CSMD1: variants seen among roughly 807,000 people sequenced by gnomAD.
CSMD1 encodes CUB and sushi domain-containing protein 1.
In CSMD1, 213 loss-of-function variants were observed where a neutral mutation model predicts 417.5. The observed-to-expected ratio is 0.51, with a 90% CI of 0.46 to 0.57. CSMD1 has a LOEUF of 0.57. CSMD1 is among the 20% of genes least tolerant of loss of function. The pLI, the probability that CSMD1 is intolerant of heterozygous loss-of-function variation, is 0.00. For synonymous variants in CSMD1, 2,862 were observed against 1,736.8 expected (o/e 1.65, Z -16.11); for missense variants, 6,923 against 4,529.7 (o/e 1.53, Z -15.17).
chr8:4,054,058 T>C (rs1034624394), intron 3 of CSMD1, among the ~76,000 whole-genome samples: 12 of 152,152 alleles, frequency 7.9e-5, no homozygotes, highest in African/African-American at 2.9e-4. Context: ...GAGAGCCAAA[T>C]GCTACTCCTA....
At chr8:4,032,770 C>A (rs1797414247) in intron 3 of CSMD1, among the ~76,000 whole-genome samples, 1 of 152,174 alleles carries the variant, frequency 6.6e-6, no homozygotes, top group Non-Finnish European at 1.5e-5. Flanking sequence ...ATACTGAATT[C>A]ACTTTCATTT....
chr8:4,094,011 TAAAGAAAAA>T (rs1288315417), intron 3 of CSMD1, among the ~76,000 whole-genome samples: 1 of 149,174 alleles, frequency 6.7e-6, no homozygotes, highest in Non-Finnish European at 1.5e-5. Context: ...GATAGATAGA[TAAAGAAAAA>T]AGACAAAGAA....
At chr8:3,344,383 C>A (rs936716296) in intron 22 of CSMD1, among the ~76,000 whole-genome samples, 4 of 152,134 alleles carry the variant, frequency 2.6e-5, no homozygotes, top group South Asian at 2.1e-4. Flanking sequence ...AAAGGTGCAG[C>A]AAATCACCAT....
intron 6 of CSMD1, among the ~76,000 whole-genome samples, chr8:3,728,816 C>T (rs550450030): frequency 5.3e-5 from 8 of 152,220 alleles, no homozygotes; most frequent in Non-Finnish European, 1.2e-4. Context: ...CTGATAATGC[C>T]CCCTTAATAT....
At chr8:4,565,502 TC>T (rs1346198134) in intron 2 of CSMD1, among the ~76,000 whole-genome samples, 4 of 151,676 alleles carry the variant, frequency 2.6e-5, no homozygotes, top group Non-Finnish European at 4.4e-5. Context: ...CTTAAGGAGG[TC>T]AAGGTGGGCG....
intron 41 of CSMD1, among the ~76,000 whole-genome samples, chr8:3,135,237 T>C (rs1001481207): frequency 2.6e-5 from 4 of 152,164 alleles, no homozygotes; most frequent in Non-Finnish European, 5.9e-5. Flanking sequence ...CCAAACCAAC[T>C]AATAATACTT....
intron 3 of CSMD1, among the ~76,000 whole-genome samples, chr8:4,275,212 T>C (rs1279444070): frequency 6.6e-6 from 1 of 152,170 alleles, no homozygotes; most frequent in Non-Finnish European, 1.5e-5. Context: ...AATTATTGTC[T>C]AGTTTGTTTT....
At chr8:3,399,958 G>A (rs1468620434) in intron 15 of CSMD1, among the ~76,000 whole-genome samples, 1 of 152,114 alleles carries the variant, frequency 6.6e-6, no homozygotes, top group African/African-American at 2.4e-5. Context: ...GTATGCATGT[G>A]TTTATTTACT....
rs369967487 is a variant in CSMD1, at chr8:2,966,682, C to G, written c.8988G>C (p.Leu2996=). The G allele has an allele frequency of 2.5e-6, 4 of 1,613,702 alleles. No individual in the cohort carries two copies. The African/African-American group carries it at 4.0e-5, about 16-fold the overall frequency. Reference sequence around the variant, plus strand: ...AGGCATAGATGACCGAGCTGGAGAACAGAATGCCATCACTACTGACAATCA... The same window carrying G: ...AGGCATAGATGACCGAGCTGGAGAAGAGAATGCCATCACTACTGACAATCA... ...NGMIVSSDGI[L]FSSSVIYACW... The change falls in exon 58 of 70, where the codon CTG becomes CTC. Residue 2996 remains leucine, a synonymous_variant. Coordinates refer to ENST00000635120, the MANE Select transcript of CSMD1 (RefSeq NM_033225.6).
chr8:4,187,905 G>T (rs1172903180), intron 3 of CSMD1, among the ~76,000 whole-genome samples: 1 of 151,924 alleles, frequency 6.6e-6, no homozygotes, highest in Admixed American at 6.6e-5. Flanking sequence ...ATGATATCAT[G>T]CATTTGTTGT....
chr8:4,722,439 G>A (rs1809119991), intron 1 of CSMD1, among the ~76,000 whole-genome samples: 1 of 152,126 alleles, frequency 6.6e-6, no homozygotes. Context: ...CCTTCTAAGT[G>A]AAGTGAAAAT....
At chr8:3,819,089 G>A (rs1322078847) in intron 5 of CSMD1, among the ~76,000 whole-genome samples, 2 of 152,192 alleles carry the variant, frequency 1.3e-5, no homozygotes, top group African/African-American at 2.4e-5. Flanking sequence ...TTAAGGCAGA[G>A]TAGAGAGAAA....
intron 33 of CSMD1, among the ~76,000 whole-genome samples, chr8:3,191,677 T>G (rs1223926559): frequency 1.3e-5 from 2 of 152,064 alleles, no homozygotes; most frequent in Non-Finnish European, 2.9e-5. Context: ...TGGCAGAAAT[T>G]ACCATCTACA....
intron 3 of CSMD1, among the ~76,000 whole-genome samples, chr8:4,173,957 CA>C (rs1797902274): frequency 6.6e-6 from 1 of 152,042 alleles, no homozygotes; most frequent in South Asian, 2.1e-4. Context: ...GAAACAAAAA[CA>C]AAAAACTTTC....
At chr8:3,940,772 G>T (rs969943360) in intron 5 of CSMD1, among the ~76,000 whole-genome samples, 1 of 150,942 alleles carries the variant, frequency 6.6e-6, no homozygotes, top group Non-Finnish European at 1.5e-5. Flanking sequence ...TGTATACACA[G>T]TTCTCTTTTT....
chr8:3,844,569 A>C (rs1003274429), intron 5 of CSMD1, among the ~76,000 whole-genome samples: 2 of 152,164 alleles, frequency 1.3e-5, no homozygotes, highest in Non-Finnish European at 2.9e-5. Flanking sequence ...TAGGAAAGTA[A>C]TAACTAGAGG....
rs148391312 is a variant in CSMD1 at position 3,368,028 on chromosome 8, T to C, written c.2900-781A>G. Reference sequence around the variant, plus strand: ...GATGCCCGTAAAGCATATGACCTCATAGTAACCGGAACTACAAAGGCTTAT... The same window carrying C: ...GATGCCCGTAAAGCATATGACCTCACAGTAACCGGAACTACAAAGGCTTAT... On this transcript the variant is annotated intron_variant, in intron 19 of 69. Coordinates refer to ENST00000635120, the MANE Select transcript of CSMD1 (RefSeq NM_033225.6). 4.9e-3 allele frequency among the ~76,000 whole-genome samples: 739 copies of C among 152,326 alleles called. 5 individuals carry two copies. The highest frequency in any genetic ancestry group is 0.017 in the African/African-American group (712 of 41,576).
At chr8:4,570,382 A>T (rs111742712) in intron 2 of CSMD1, among the ~76,000 whole-genome samples, 4,486 of 152,272 alleles carry the variant, frequency 0.029, 100 homozygotes, top group Non-Finnish European at 0.043. Flanking sequence ...GTCTGCATCT[A>T]TCGGGATAAT....
intron 7 of CSMD1, among the ~76,000 whole-genome samples, chr8:3,658,465 T>TATA (rs200270673): frequency 1.1e-4 from 1 of 8,884 alleles, no homozygotes; most frequent in African/African-American, 2.3e-4. Flanking sequence ...ATATATATTG[T>TATA]GTATATATAT....
Sources: allele counts gnomAD v4.1 joint callset (sites outside exome capture counted in the v4.1 genomes callset), GRCh38; gene constraint gnomAD v4.1.1; transcripts MANE v1.5; gene names NCBI Gene and HGNC (gene_info 2026-07-23, HGNC 2026-07-21).